ADCK2: variants seen among roughly 807,000 people sequenced by gnomAD.
The protein encoded by ADCK2 is uncharacterized aarF domain-containing protein kinase 2.
In ADCK2, 37 loss-of-function variants were observed where a neutral mutation model predicts 52.3. That is an observed-to-expected ratio of 0.71 (90% CI 0.54 to 0.93). The LOEUF (loss-of-function observed/expected upper bound fraction) is 0.93, where lower values mean the gene tolerates loss of function less well. ADCK2 is among the 40% of genes least tolerant of loss of function. The probability of loss-of-function intolerance (pLI) is 0.00; values close to 1 mark genes in which losing one functional copy is unlikely to be tolerated. For missense variants in ADCK2, 695 were observed against 798.7 expected (o/e 0.87, Z 1.56); for synonymous variants, 321 against 349.2 (o/e 0.92, Z 0.90).
chr7:140,684,730 G>A (rs1469028923), intron 4 of ADCK2, among the ~76,000 whole-genome samples: 1 of 152,310 alleles, frequency 6.6e-6, no homozygotes, highest in African/African-American at 2.4e-5. Flanking sequence ...GCTGAGAGCC[G>A]TTGTGGGGGT....
At chr7:140,676,058 G>A (rs1794410621) in intron 2 of ADCK2, among the ~76,000 whole-genome samples, 1 of 152,154 alleles carries the variant, frequency 6.6e-6, no homozygotes, top group South Asian at 2.1e-4. Context: ...TAGTCTGTTC[G>A]GACAGAATCC....
intron 2 of ADCK2, among the ~76,000 whole-genome samples, chr7:140,675,677 A>G (rs148443960): frequency 6.6e-6 from 1 of 152,360 alleles, no homozygotes; most frequent in Non-Finnish European, 1.5e-5. Context: ...TGGGAAATAC[A>G]GTCTTCCTTT....
chr7:140,685,214 T>A (rs1287149627), intron 4 of ADCK2, among the ~76,000 whole-genome samples: 2 of 152,144 alleles, frequency 1.3e-5, no homozygotes, highest in Non-Finnish European at 2.9e-5. Flanking sequence ...TTTGGGAGGC[T>A]GAGGCCGGCC....
chr7:140,674,592 C>T lies in ADCK2; in HGVS notation c.934-19C>T, dbSNP rs772807905. The T allele has an allele frequency of 1.9e-6, 3 of 1,601,008 alleles. No individual in the cohort carries two copies. Among genetic ancestry groups the T allele is most frequent in the African/African-American group, 1.3e-5 (1 of 74,690 alleles). ...TGTCCAGCAGGTTTCTCCTGTCTCA[C>T]GGTTCCTCTTTCTGACAGGTGTTGC... On this transcript the variant is annotated intron_variant, in intron 1 of 7. Coordinates refer to ENST00000072869, the MANE Select transcript of ADCK2 (RefSeq NM_052853.4). This position sits in a 1 kb window ranked among gnomAD's most constrained non-coding sequence, Gnocchi z 4.6.
Position 140,673,492 on chromosome 7 carries a change from CG to C in ADCK2, c.166del (p.Asp56ThrfsTer10). On this transcript the variant is annotated frameshift_variant, in exon 1 of 8. Coordinates refer to ENST00000072869, the MANE Select transcript of ADCK2 (RefSeq NM_052853.4). LOFTEE classifies it high-confidence loss of function. This position sits in a 1 kb window ranked among gnomAD's most constrained non-coding sequence, Gnocchi z 6.4. ...GTLPKVVSLC[G>X]DVGEGAPDVL... ...CTTTGCCCAAGGTCGTCTCCCTGTG[CG>C]GGGACGTGGGTGAGGGGGCCCCTGA... 1 of 1,605,096 alleles carries C rather than the reference CG, an allele frequency of 6.2e-7. No homozygotes were observed.
In ADCK2 at chr7:140,678,844, G is replaced by A. The variant is rs138689320; in HGVS notation, c.1081-311G>A. ...TGGAGAAGCCAGACCCCAGGGAGAC[G>A]GGGAAGGGACTCATGGGCTGGTGTG... is the stretch of plus-strand genomic sequence containing the variant. On this transcript the variant is annotated intron_variant, in intron 2 of 7. Transcript: ENST00000072869. This position sits in a 1 kb window ranked among gnomAD's most constrained non-coding sequence, Gnocchi z 4.9. Among the ~76,000 whole-genome samples, 203 of 152,288 alleles carry A rather than the reference G, an allele frequency of 1.3e-3. No individual in the cohort carries two copies. Among genetic ancestry groups the A allele is most frequent in the African/African-American group, 4.6e-3 (192 of 41,568 alleles).
chr7:140,694,118 C>T (rs184011717), intron 7 of ADCK2, among the ~76,000 whole-genome samples: 1 of 152,028 alleles, frequency 6.6e-6, no homozygotes, highest in African/African-American at 2.4e-5. Flanking sequence ...GCCAGGAGTT[C>T]GAGATCAGCC....
Position 140,673,091 on chromosome 7 carries a change from A to C in ADCK2, c.-240A>C. 3.9e-6 allele frequency: 1 copy of C among 253,578 alleles called. No individual in the cohort carries two copies. The allele number at this position is 253,578 out of a possible 1,614,324, so 15.7% of individuals were successfully genotyped here. On this transcript the variant is annotated 5_prime_UTR_variant, in exon 1 of 8. Transcript: ENST00000072869. This position sits in a 1 kb window ranked among gnomAD's most constrained non-coding sequence, Gnocchi z 6.4. ...TGGGTCCTGGCTCCTCCCGTTCCGCAGTTGGTGCCGTCTGACAGCCCCTTC... is the reference window on the plus strand; with the variant it reads ...TGGGTCCTGGCTCCTCCCGTTCCGCCGTTGGTGCCGTCTGACAGCCCCTTC...
rs963194779 is a variant in ADCK2, at chr7:140,681,067, A to G, written c.1235A>G (p.Gln412Arg). 6.2e-7 allele frequency: 1 copy of G among 1,614,132 alleles called. No homozygotes were observed. Residue 412 changes from glutamine to arginine, a missense_variant, in exon 4 of 8, where the codon CAG becomes CGG. By Grantham distance (43) the Gln-to-Arg change is conservative. Transcript: ENST00000072869. ...YEESVPVSSY[Q>R]QAGIPVDLKR... ...GAGAGTGTGCCTGTGTCCAGTTACC[A>G]GCAGGCAGGAATTCCCGTGGACTTG...
At chr7:140,681,200 G>C (rs1363430562) in intron 4 of ADCK2, 63 bp downstream of exon 4, 1 of 1,500,542 alleles carries the variant, frequency 6.7e-7, no homozygotes, top group South Asian at 1.1e-5. Context: ...TGGGGAGTGG[G>C]CTGGGACTCT....
In ADCK2 at chr7:140,695,064, G is replaced by C; in HGVS notation, c.*261G>C. On this transcript the variant is annotated 3_prime_UTR_variant, in exon 8 of 8. Coordinates refer to ENST00000072869, the MANE Select transcript of ADCK2 (RefSeq NM_052853.4). ...CAGGTGCCAGGGACACTCTCCTTCAGGGAAAATGTTATGTGGAGGAGGACG... is the reference window on the plus strand; with the variant it reads ...CAGGTGCCAGGGACACTCTCCTTCACGGAAAATGTTATGTGGAGGAGGACG... The C allele has an allele frequency of 1.6e-6, 2 of 1,220,330 alleles. No individual in the cohort carries two copies. The highest frequency in any genetic ancestry group is 2.0e-6 in the Non-Finnish European group (2 of 980,082). 75.6% of individuals were successfully genotyped at this position (1,220,330 alleles called of 1,614,324 possible).
At position 140,678,997 on chromosome 7, in the gene ADCK2, C is replaced by A. The variant is rs1794469973; in HGVS notation, c.1081-158C>A. Among the ~76,000 whole-genome samples the A allele has an allele frequency of 6.6e-6, 1 of 152,142 alleles. No individual in the cohort carries two copies. The highest frequency in any genetic ancestry group is 6.5e-5 in the Admixed American group (1 of 15,274). ...TGGGATTGCTGGGGCAGGCTGTAGC[C>A]CACGGATGTCGCCTCCTGAGTTTCT... is the stretch of plus-strand genomic sequence containing the variant. On this transcript the variant is annotated intron_variant, in intron 2 of 7. Transcript: ENST00000072869. The surrounding 1 kb of genome is among the most constrained non-coding windows in gnomAD (Gnocchi z 4.9).
In ADCK2 at chr7:140,694,671, T is replaced by A; in HGVS notation, c.1749T>A (p.Leu583=). Reference sequence around the variant, plus strand: ...CTGTTTTTCTGTTCCAGGTAAAGCTTGAGAGCAACTTTGCCTCCATTGTGT... The same window carrying A: ...CTGTTTTTCTGTTCCAGGTAAAGCTAGAGAGCAACTTTGCCTCCATTGTGT... ...FKLLMTHKVK[L]ESNFASIVFA... Residue 583 remains leucine (L), a synonymous_variant, in exon 8 of 8, where the codon CTT becomes CTA. Coordinates refer to ENST00000072869, the MANE Select transcript of ADCK2 (RefSeq NM_052853.4). 6.2e-7 allele frequency: 1 copy of A among 1,613,908 alleles called. No homozygotes were observed. Among genetic ancestry groups the A allele is most frequent in the Non-Finnish European group, 8.5e-7 (1 of 1,179,866 alleles).
intron 7 of ADCK2, among the ~76,000 whole-genome samples, 154 bp from the exon 8 acceptor site, chr7:140,694,509 G>C (rs1794761720): frequency 6.6e-6 from 1 of 152,154 alleles, no homozygotes; most frequent in Non-Finnish European, 1.5e-5. Flanking sequence ...TGGTTGGGGA[G>C]ATGACGCGGT....
rs1330744097 is a variant in ADCK2, at chr7:140,693,537, C to T, written c.1741-1126C>T. 6.6e-6 allele frequency among the ~76,000 whole-genome samples: 1 copy of T among 152,186 alleles called. No individual in the cohort carries two copies. The highest frequency in any genetic ancestry group is 2.4e-5 in the African/African-American group (1 of 41,444). ...GCTCTATTCCTCCTCACTCAGTGGCCTTGAGCAAGTCATTGAACCTCTCTG... is the reference window on the plus strand; with the variant it reads ...GCTCTATTCCTCCTCACTCAGTGGCTTTGAGCAAGTCATTGAACCTCTCTG... On this transcript the variant is annotated intron_variant, in intron 7 of 7. Transcript: ENST00000072869. This position sits in a 1 kb window ranked among gnomAD's most constrained non-coding sequence, Gnocchi z 4.0.
chr7:140,691,451 C>G (rs1158911989), intron 7 of ADCK2, among the ~76,000 whole-genome samples: 1 of 152,166 alleles, frequency 6.6e-6, no homozygotes, highest in Non-Finnish European at 1.5e-5. Flanking sequence ...TTAGCTCTTT[C>G]CTGGTGGAAT....
At chr7:140,691,421 T>G (rs373722378) in intron 7 of ADCK2, among the ~76,000 whole-genome samples, 1 of 152,304 alleles carries the variant, frequency 6.6e-6, no homozygotes, top group East Asian at 1.9e-4. Flanking sequence ...TCATGATGCT[T>G]GTGTTAATGT....
At chr7:140,686,333 T>G (rs566602222) in intron 4 of ADCK2, among the ~76,000 whole-genome samples, 1 of 152,326 alleles carries the variant, frequency 6.6e-6, no homozygotes, top group South Asian at 2.1e-4. Flanking sequence ...CAGACTGGAG[T>G]GCAGTGGCAC....
rs1167573683 is a variant in ADCK2 at position 140,678,114 on chromosome 7, T to TG, written c.1081-1040dup. ...TCAAGGAGCACACTCGAGGCACCTC[T>TG]GTTTGTGCTCAGGTGACTGGACCTG... On this transcript the variant is annotated intron_variant, in intron 2 of 7. Coordinates refer to ENST00000072869, the MANE Select transcript of ADCK2 (RefSeq NM_052853.4). This position sits in a 1 kb window ranked among gnomAD's most constrained non-coding sequence, Gnocchi z 4.9. Among the ~76,000 whole-genome samples, 1 of 152,182 alleles carries TG rather than the reference T, an allele frequency of 6.6e-6. No individual in the cohort carries two copies. The highest frequency in any genetic ancestry group is 2.4e-5 in the African/African-American group (1 of 41,446).
Sources: allele counts gnomAD v4.1 joint callset (sites outside exome capture counted in the v4.1 genomes callset), GRCh38; gene constraint gnomAD v4.1.1; non-coding constraint Gnocchi (gnomAD v3.1); transcripts MANE v1.5; gene names NCBI Gene and HGNC (gene_info 2026-07-23, HGNC 2026-07-21).